Variants in SCN8A observed in about 807,000 individuals in gnomAD.
The protein encoded by SCN8A is sodium voltage-gated channel alpha subunit 8.
In SCN8A, 30 loss-of-function variants were observed where a neutral mutation model predicts 184.1. That is an observed-to-expected ratio of 0.16 (90% CI 0.12 to 0.22). The LOEUF (loss-of-function observed/expected upper bound fraction) is 0.22, where lower values mean the gene tolerates loss of function less well. Ranked by LOEUF, SCN8A falls within the 10% of genes least tolerant of loss-of-function variation. The pLI is 1.00. For synonymous variants in SCN8A, 852 were observed against 907.0 expected (o/e 0.94, Z 1.09); for missense variants, 1,057 against 2,498.9 (o/e 0.42, Z 12.30).
intron 12 of SCN8A, among the ~76,000 whole-genome samples, chr12:51,732,012 C>G (rs1942251309): frequency 6.6e-6 from 1 of 152,110 alleles, no homozygotes; most frequent in Non-Finnish European, 1.5e-5. Context: ...TTCTCCTATT[C>G]TTTGGGTTGT....
At chr12:51,669,837 T>C (rs1941100175) in intron 2 of SCN8A, among the ~76,000 whole-genome samples, 1 of 152,200 alleles carries the variant, frequency 6.6e-6, no homozygotes, top group African/African-American at 2.4e-5. Flanking sequence ...AGAAAATCCT[T>C]GCCAAAACTG....
chr12:51,631,904 G>A (rs140968926), intron 1 of SCN8A, among the ~76,000 whole-genome samples: 6 of 152,270 alleles, frequency 3.9e-5, no homozygotes, highest in African/African-American at 1.2e-4. Flanking sequence ...GAAGTAAGCC[G>A]AGAGACAGGA....
rs374340225 is a variant in SCN8A, at chr12:51,670,890, G to A, written c.276+7797G>A. On this transcript the variant is annotated intron_variant, in intron 2 of 26. Transcript: ENST00000627620. ...TCTATATGCCGGGGCTCTGTTCCGT[G>A]CCCTTGGGAACAAAACAGACAAGCC... Among the ~76,000 whole-genome samples the A allele has an allele frequency of 9.9e-5, 15 of 152,262 alleles. No homozygotes were observed. The South Asian group carries it at 1.7e-3, about 17-fold the overall frequency.
chr12:51,768,121 AGTAAGGACCAAG>A (rs1310107130), intron 16 of SCN8A: 3 of 152,222 alleles, frequency 2.0e-5, no homozygotes, highest in Admixed American at 1.3e-4. Flanking sequence ...AGTATGACAA[AGTAAGGACCAAG>A]TGTAAATCAA....
At chr12:51,763,818 C>A (rs1410644520) in intron 15 of SCN8A, among the ~76,000 whole-genome samples, 1 of 152,160 alleles carries the variant, frequency 6.6e-6, no homozygotes, top group East Asian at 1.9e-4. Flanking sequence ...TTTTTCACTC[C>A]CTATTGGGAA....
intron 4 of SCN8A, 47 bp from the exon 5 acceptor site, chr12:51,687,044 A>G: frequency 6.2e-7 from 1 of 1,605,624 alleles, no homozygotes; most frequent in Non-Finnish European, 8.5e-7. Flanking sequence ...AGGTTCATTT[A>G]AAGTTTCTGT....
chr12:51,632,335 G>A (rs1476919628), intron 1 of SCN8A, among the ~76,000 whole-genome samples: 2 of 152,186 alleles, frequency 1.3e-5, no homozygotes, highest in African/African-American at 4.8e-5. Context: ...TATAGAATAA[G>A]TAGTCTTAGA....
chr12:51,593,759 G>C lies in SCN8A; in HGVS notation c.-55+2400G>C, dbSNP rs147499328. Among the ~76,000 whole-genome samples the C allele has an allele frequency of 7.4e-3, 1,121 of 152,238 alleles. 11 individuals are homozygous for C. The highest frequency in any genetic ancestry group is 9.7e-3 in the Non-Finnish European group (663 of 68,024). On this transcript the variant is annotated intron_variant, in intron 1 of 26. Coordinates refer to ENST00000627620, the MANE Select transcript of SCN8A (RefSeq NM_001330260.2). ...CATGCGCAGCTGGGTTTGTACTTGA[G>C]GTTGAGGCCTAGTTATCATATTTTA... is the stretch of plus-strand genomic sequence containing the variant.
In SCN8A at chr12:51,809,747, ATTATTAAC is replaced by A. The variant is rs1195347085; in HGVS notation, c.*2326_*2333del. The A allele has an allele frequency of 5.9e-5, 9 of 152,364 alleles. No homozygotes were observed. The East Asian group carries it at 1.7e-3, about 29-fold the overall frequency. The allele number at this position is 152,364 out of a possible 1,614,324, so 9.4% of individuals were successfully genotyped here. ...TTGGCATGCCTTTTTGTAAATACAAATTATTAACTTATTAAATAGGAAATGGCTTCTGG... is the reference window on the plus strand; with the variant it reads ...TTGGCATGCCTTTTTGTAAATACAAATTATTAAATAGGAAATGGCTTCTGG... On this transcript the variant is annotated 3_prime_UTR_variant, in exon 27 of 27. Coordinates refer to ENST00000627620, the MANE Select transcript of SCN8A (RefSeq NM_001330260.2).
rs373264254 is a variant in SCN8A, at chr12:51,688,726, C to A, written c.615-279C>A. On this transcript the variant is annotated intron_variant, in intron 5 of 26. Coordinates refer to ENST00000627620, the MANE Select transcript of SCN8A (RefSeq NM_001330260.2). ...TTCTCAAACCCTCGCCCAGTGGTACCATTACAAGTTAACTTTGGTTTGATT... is the reference window on the plus strand; with the variant it reads ...TTCTCAAACCCTCGCCCAGTGGTACAATTACAAGTTAACTTTGGTTTGATT... 4.4e-5 allele frequency: 65 copies of A among 1,487,090 alleles called. No homozygotes were observed. The Middle Eastern group carries it at 1.0e-3, about 23-fold the overall frequency. 92.1% of individuals were successfully genotyped at this position (1,487,090 alleles called of 1,614,324 possible). A position where few individuals can be genotyped will look rare whatever the true frequency, so the allele number is the denominator to read the frequency against.
At chr12:51,705,205 A>G (rs560639500) in intron 9 of SCN8A, among the ~76,000 whole-genome samples, 6 of 152,314 alleles carry the variant, frequency 3.9e-5, no homozygotes, top group African/African-American at 1.4e-4. Context: ...TGGTTGGGAG[A>G]TAACTACTGC....
chr12:51,712,999 G>A, intron 11 of SCN8A: 1 of 1,585,504 alleles, frequency 6.3e-7, no homozygotes, highest in Non-Finnish European at 8.7e-7. Context: ...CTCTTGTTTA[G>A]AAAGGGCCTT....
At chr12:51,639,939 G>C (rs956365483) in intron 1 of SCN8A, among the ~76,000 whole-genome samples, 4 of 81,758 alleles carry the variant, frequency 4.9e-5, no homozygotes, top group Non-Finnish European at 8.8e-5. Context: ...TCAGCTTGTT[G>C]CCCAGGCTAG....
intron 1 of SCN8A, among the ~76,000 whole-genome samples, chr12:51,606,495 A>G (rs950549623): frequency 6.6e-6 from 1 of 152,128 alleles, no homozygotes; most frequent in African/African-American, 2.4e-5. Context: ...CTATGGCCTT[A>G]TAGTATAGTT....
chr12:51,619,981 A>T (rs1939925339), intron 1 of SCN8A, among the ~76,000 whole-genome samples: 1 of 152,226 alleles, frequency 6.6e-6, no homozygotes, highest in Non-Finnish European at 1.5e-5. Flanking sequence ...TGATGGTGGA[A>T]TAGAAGCCCT....
intron 2 of SCN8A, among the ~76,000 whole-genome samples, chr12:51,675,885 G>T (rs150756365): frequency 1.3e-5 from 2 of 152,316 alleles, no homozygotes; most frequent in African/African-American, 4.8e-5. Context: ...TCATAGAGTA[G>T]TTGTGAGACA....
intron 22 of SCN8A, 87 bp downstream of exon 22, chr12:51,786,913 C>A: frequency 8.0e-7 from 1 of 1,252,584 alleles, no homozygotes; most frequent in Non-Finnish European, 1.1e-6. Flanking sequence ...CTCAACCCTA[C>A]TTCTAGAATC....
intron 6 of SCN8A, among the ~76,000 whole-genome samples, chr12:51,691,208 T>C (rs949892608): frequency 1.1e-4 from 17 of 152,146 alleles, no homozygotes; most frequent in African/African-American, 3.9e-4. Flanking sequence ...ATCTGTCTCT[T>C]TATGTTCCTG....
intron 5 of SCN8A, 128 bp downstream of exon 5, chr12:51,687,347 A>AG: frequency 9.4e-7 from 1 of 1,061,848 alleles, no homozygotes; most frequent in Non-Finnish European, 1.4e-6. Flanking sequence ...TAACCATGTA[A>AG]GGCCCTGTGG....
Sources: allele counts gnomAD v4.1 joint callset (sites outside exome capture counted in the v4.1 genomes callset), GRCh38; gene constraint gnomAD v4.1.1; transcripts MANE v1.5; gene names NCBI Gene and HGNC (gene_info 2026-07-23, HGNC 2026-07-21).